LRRC37A: variants seen among roughly 807,000 people sequenced by gnomAD.
LRRC37A encodes leucine-rich repeat-containing protein 37A.
LRRC37A carries 3 observed loss-of-function variants against 35.4 expected under a neutral mutation model. The observed-to-expected ratio is 0.08, with a 90% CI of 0.04 to 0.22. The LOEUF (loss-of-function observed/expected upper bound fraction) is 0.22, where lower values mean the gene tolerates loss of function less well. Ranked by LOEUF, LRRC37A falls within the 10% of genes least tolerant of loss-of-function variation. The pLI is 1.00. For missense variants in LRRC37A, 67 were observed against 565.3 expected (o/e 0.12, Z 8.94); for synonymous variants, 23 against 215.0 (o/e 0.11, Z 7.81).
At chr17:46,288,545 G>A (rs1353062000), upstream of LRRC37A, among the ~76,000 whole-genome samples, 3 of 151,946 alleles carry the variant, frequency 2.0e-5, no homozygotes, top group Non-Finnish European at 4.4e-5. Context: ...CGATCCACCT[G>A]CCTTGGCCTC....
chr17:46,276,748 G>A, the LRRC37A span, among the ~76,000 whole-genome samples: 1 of 148,932 alleles, frequency 6.7e-6, no homozygotes, highest in Admixed American at 6.7e-5. Context: ...ACAGCAAGTT[G>A]TCTTTATACA....
upstream of LRRC37A, among the ~76,000 whole-genome samples, chr17:46,289,013 T>C (rs2049995650): frequency 8.9e-6 from 1 of 112,778 alleles, no homozygotes; most frequent in African/African-American, 2.6e-5. Flanking sequence ...CATACTATTG[T>C]CTCAATATGC....
the LRRC37A span, among the ~76,000 whole-genome samples, chr17:46,248,858 C>G: frequency 9.5e-4 from 145 of 152,028 alleles, no homozygotes; most frequent in African/African-American, 3.4e-3. Context: ...TGCTGCCATC[C>G]ATGTTGCTGC....
the LRRC37A span, among the ~76,000 whole-genome samples, chr17:46,255,113 G>A: frequency 3.9e-5 from 6 of 151,944 alleles, no homozygotes; most frequent in South Asian, 1.2e-3. Flanking sequence ...TGGGATTATA[G>A]GTGTGAGCCA....
At position 46,324,798 on chromosome 17, in the gene LRRC37A, C is replaced by G. The variant is rs2051638110; in HGVS notation, c.3053+1771C>G. 2.6e-5 allele frequency among the ~76,000 whole-genome samples: 2 copies of G among 75,756 alleles called. 1 individual carries two copies. Among genetic ancestry groups the G allele is most frequent in the South Asian group, 1.2e-3 (2 of 1,650 alleles). 49.7% of individuals were successfully genotyped at this position (75,756 alleles called of 152,430 possible). A position where few individuals can be genotyped will look rare whatever the true frequency, so the allele number is the denominator to read the frequency against. ...GAGGTTGCAGTGAGCCAAGATGGCA[C>G]CACTGCACTCCAGCTTGGGTGACAG... On this transcript the variant is annotated intron_variant, in intron 7 of 13. Transcript: ENST00000320254.
chr17:46,281,632 G>T, the LRRC37A span, among the ~76,000 whole-genome samples: 9 of 152,168 alleles, frequency 5.9e-5, no homozygotes, highest in Admixed American at 2.0e-4. Context: ...GTCTTGTTAT[G>T]TTGGTAAGGT....
the LRRC37A span, among the ~76,000 whole-genome samples, chr17:46,280,149 G>C: frequency 2.0e-5 from 3 of 152,318 alleles, no homozygotes; most frequent in East Asian, 5.8e-4. Context: ...AGGGCAGGTG[G>C]ATCACTTGCC....
chr17:46,275,292 G>GC, the LRRC37A span: 2 of 637,322 alleles, frequency 3.1e-6, no homozygotes, highest in Admixed American at 5.8e-5. Context: ...TGTCAGGATA[G>GC]CCTCACTAAA....
chr17:46,252,377 CTT>C, the LRRC37A span, among the ~76,000 whole-genome samples: 18 of 121,968 alleles, frequency 1.5e-4, no homozygotes, highest in Admixed American at 1.8e-4. Flanking sequence ...CATTTTCTTT[CTT>C]TTTTTTTTTT....
chr17:46,271,377 T>A, the LRRC37A span, among the ~76,000 whole-genome samples: 1 of 148,374 alleles, frequency 6.7e-6, no homozygotes, highest in Non-Finnish European at 1.5e-5. Flanking sequence ...AGATGGGGTT[T>A]CTCCATGTTT....
chr17:46,288,942 T>G (rs1849340939), upstream of LRRC37A, among the ~76,000 whole-genome samples: 1 of 152,176 alleles, frequency 6.6e-6, no homozygotes, highest in Non-Finnish European at 1.5e-5. Flanking sequence ...TGACCTCAGG[T>G]GACCCATCTC....
chr17:46,288,841 C>CCA (rs1288683698), upstream of LRRC37A, among the ~76,000 whole-genome samples: 1 of 151,734 alleles, frequency 6.6e-6, no homozygotes, highest in African/African-American at 2.4e-5. Flanking sequence ...GTACCTAGGA[C>CCA]CACAGGCACG....
At chr17:46,277,653 C>CTTTCTTTCTTTCTTTCTTTT in the LRRC37A span, among the ~76,000 whole-genome samples, 5 of 137,860 alleles carry the variant, frequency 3.6e-5, no homozygotes, top group Admixed American at 1.5e-4. Flanking sequence ...TTCTTTCTTT[C>CTTTCTTTCTTTCTTTCTTTT]TTTTTTTTTT....
the LRRC37A span, among the ~76,000 whole-genome samples, chr17:46,260,887 T>C: frequency 6.6e-6 from 1 of 152,186 alleles, no homozygotes; most frequent in African/African-American, 2.4e-5. Flanking sequence ...CCTCGCATAG[T>C]GCTGGGATTA....
the LRRC37A span, among the ~76,000 whole-genome samples, chr17:46,277,617 G>A: frequency 1.3e-5 from 2 of 149,364 alleles, no homozygotes; most frequent in South Asian, 4.2e-4. Context: ...CAGTTCTCTG[G>A]GTAGATTTCT....
chr17:46,277,333 C>T, the LRRC37A span, among the ~76,000 whole-genome samples: 1 of 152,222 alleles, frequency 6.6e-6, no homozygotes, highest in East Asian at 1.9e-4. Flanking sequence ...AAGCAACTTC[C>T]TCTCCTTCAT....
chr17:46,284,499 T>C, the LRRC37A span, among the ~76,000 whole-genome samples: 1 of 152,258 alleles, frequency 6.6e-6, no homozygotes. Context: ...CTTTTCTTAG[T>C]ACAGAACAAA....
At chr17:46,271,981 C>G in the LRRC37A span, among the ~76,000 whole-genome samples, 18,479 of 152,226 alleles carry the variant, frequency 0.12, no homozygotes, top group Non-Finnish European at 0.18. Context: ...AGGCAGGTCT[C>G]TAACTCCTGA....
upstream of LRRC37A, among the ~76,000 whole-genome samples, chr17:46,290,490 G>A (rs1327268624): frequency 2.0e-5 from 3 of 152,152 alleles, no homozygotes; most frequent in South Asian, 2.1e-4. Context: ...ATGGAGTCTC[G>A]CTCTGTCGTG....
Sources: allele counts gnomAD v4.1 joint callset (sites outside exome capture counted in the v4.1 genomes callset), GRCh38; gene constraint gnomAD v4.1.1; transcripts MANE v1.5; gene names NCBI Gene and HGNC (gene_info 2026-07-23, HGNC 2026-07-21).